The following KCNMA1 variants were observed in gnomAD, a reference collection of about 807,000 sequenced individuals.
The protein encoded by KCNMA1 is Calcium-activated potassium channel subunit alpha-1.
In KCNMA1, 29 loss-of-function variants were observed where a neutral mutation model predicts 140.0. That is an observed-to-expected ratio of 0.21 (90% CI 0.15 to 0.28). The LOEUF (loss-of-function observed/expected upper bound fraction) is 0.28. KCNMA1 is among the 10% of genes least tolerant of loss of function. The pLI, the probability that KCNMA1 is intolerant of heterozygous loss-of-function variation, is 1.00. For missense variants in KCNMA1, 880 were observed against 1,602.2 expected (o/e 0.55, Z 7.70); for synonymous variants, 612 against 611.9 (o/e 1.00, Z 0.00).
chr10:76,880,262 C>G (rs1196776138), downstream of KCNMA1, among the ~76,000 whole-genome samples: 1 of 151,986 alleles, frequency 6.6e-6, no homozygotes, highest in Non-Finnish European at 1.5e-5. Flanking sequence ...AGAAAGAGAG[C>G]ATTATTTCCT....
chr10:77,196,426 G>C (rs917894206), intron 3 of KCNMA1, among the ~76,000 whole-genome samples: 1 of 152,140 alleles, frequency 6.6e-6, no homozygotes, highest in African/African-American at 2.4e-5. Context: ...GGGCAGGATC[G>C]CCTGCCTGCA....
intron 23 of KCNMA1, among the ~76,000 whole-genome samples, chr10:76,936,190 C>T (rs60499211): frequency 0.014 from 2,145 of 152,278 alleles, 43 homozygotes; most frequent in African/African-American, 0.048. Flanking sequence ...GGGATGTCCA[C>T]GGAAGAAATG....
intron 2 of KCNMA1, among the ~76,000 whole-genome samples, chr10:77,349,643 T>G (rs1250753737): frequency 2.6e-5 from 4 of 152,134 alleles, no homozygotes; most frequent in Admixed American, 6.5e-5. Context: ...CTTTTGCATG[T>G]AGAGTCAATC....
intron 2 of KCNMA1, among the ~76,000 whole-genome samples, chr10:77,320,399 C>A (rs933052456): frequency 2.6e-5 from 4 of 152,138 alleles, no homozygotes; most frequent in Admixed American, 2.6e-4. Flanking sequence ...AGGGGCTACT[C>A]CCCTAAGAAC....
chr10:77,164,740 G>C (rs1206226279), intron 5 of KCNMA1, among the ~76,000 whole-genome samples: 2 of 152,156 alleles, frequency 1.3e-5, no homozygotes, highest in Admixed American at 1.3e-4. Context: ...CCAGATAATA[G>C]AGGTGTTCCT....
chr10:77,338,459 C>A (rs916666629), intron 2 of KCNMA1, among the ~76,000 whole-genome samples: 1 of 152,174 alleles, frequency 6.6e-6, no homozygotes, highest in Non-Finnish European at 1.5e-5. Context: ...CAGCGAAAAT[C>A]CTCCCCTGCA....
chr10:77,286,470 G>A (rs991520789), intron 2 of KCNMA1, among the ~76,000 whole-genome samples: 7 of 152,102 alleles, frequency 4.6e-5, no homozygotes, highest in Admixed American at 1.3e-4. Flanking sequence ...CTAAAATTAC[G>A]CCATATGCCC....
At chr10:77,343,797 C>T (rs895288517) in intron 2 of KCNMA1, among the ~76,000 whole-genome samples, 3 of 152,170 alleles carry the variant, frequency 2.0e-5, no homozygotes, top group Admixed American at 1.3e-4. Flanking sequence ...CCAGAGACAA[C>T]TGTTTAGGAG....
intron 21 of KCNMA1, among the ~76,000 whole-genome samples, chr10:76,951,569 C>G (rs1172918226): frequency 6.6e-6 from 1 of 152,132 alleles, no homozygotes. Flanking sequence ...TTGGGACTAT[C>G]TCTTATATCT....
chr10:77,111,962 G>A lies in KCNMA1; in HGVS notation c.960+405C>T, dbSNP rs187306795. Among the ~76,000 whole-genome samples the A allele has an allele frequency of 5.9e-5, 9 of 152,270 alleles. No homozygotes were observed. In the East Asian group the frequency reaches 1.7e-3, roughly 29 times the overall value. On this transcript the variant is annotated intron_variant, in intron 7 of 27. Coordinates refer to ENST00000286628, the MANE Select transcript of KCNMA1 (RefSeq NM_001161352.2). ...GGTGGCTTTTCGTAAGGCGGAAGTG[G>A]AAAGAAATTGAGGGATCTGAATTTG...
At chr10:77,300,720 T>C (rs1389366122) in intron 2 of KCNMA1, among the ~76,000 whole-genome samples, 1 of 152,202 alleles carries the variant, frequency 6.6e-6, no homozygotes, top group African/African-American at 2.4e-5. Flanking sequence ...CACTTCTTCC[T>C]GGGTAATTTT....
chr10:77,238,136 C>T (rs975270174), intron 3 of KCNMA1, among the ~76,000 whole-genome samples: 1 of 152,182 alleles, frequency 6.6e-6, no homozygotes, highest in Non-Finnish European at 1.5e-5. Flanking sequence ...GCTGAAGCTC[C>T]TCTTCTGTTT....
intron 5 of KCNMA1, among the ~76,000 whole-genome samples, chr10:77,153,129 C>G (rs772926875): frequency 6.6e-6 from 1 of 152,196 alleles, no homozygotes; most frequent in Non-Finnish European, 1.5e-5. Context: ...GGTTAAGAAA[C>G]TCTTTAATTA....
chr10:77,230,048 A>G (rs1393699806), intron 3 of KCNMA1, among the ~76,000 whole-genome samples: 1 of 152,244 alleles, frequency 6.6e-6, no homozygotes, highest in African/African-American at 2.4e-5. Context: ...CTACATGTTC[A>G]TTGACAAATG....
At chr10:77,508,168 C>A (rs182003957) in intron 1 of KCNMA1, among the ~76,000 whole-genome samples, 1 of 152,146 alleles carries the variant, frequency 6.6e-6, no homozygotes, top group East Asian at 1.9e-4. Context: ...TTAACTGCTG[C>A]TTTCATTTTT....
At chr10:77,051,705 C>T (rs994330300) in intron 14 of KCNMA1, among the ~76,000 whole-genome samples, 23 of 152,252 alleles carry the variant, frequency 1.5e-4, no homozygotes, top group African/African-American at 4.6e-4. Context: ...CCTAAGTTCA[C>T]GCAGCCTCTG....
At chr10:77,555,057 T>TACACACACACACAC (rs111952376) in intron 1 of KCNMA1, among the ~76,000 whole-genome samples, 42 of 151,542 alleles carry the variant, frequency 2.8e-4, no homozygotes, top group African/African-American at 5.1e-4. Context: ...TCTTACCACA[T>TACACACACACACAC]ACACACACGC....
rs200767451 is a variant in KCNMA1, at chr10:76,886,220, T to C, written c.*1046A>G. On this transcript the variant is annotated 3_prime_UTR_variant, in exon 28 of 28. Coordinates refer to ENST00000286628, the MANE Select transcript of KCNMA1 (RefSeq NM_001161352.2). ...CCCCAGCCCTTCCTCCTACCTGGCA[T>C]TGGGGCCCTAACTAATCAAACAAAG... The C allele has an allele frequency of 7.1e-6, 7 of 985,258 alleles. No individual in the cohort carries two copies. The highest frequency in any genetic ancestry group is 6.1e-5 in the Admixed American group (1 of 16,272). The allele number at this position is 985,258 out of a possible 1,614,324, so 61.0% of individuals were successfully genotyped here.
At chr10:77,464,503 C>G (rs185898882) in intron 1 of KCNMA1, among the ~76,000 whole-genome samples, 2 of 152,078 alleles carry the variant, frequency 1.3e-5, no homozygotes, top group Admixed American at 6.6e-5. Flanking sequence ...GGGGAAGCAG[C>G]GGGTCTGAGT....
Sources: gnomAD v4.1 joint callset for allele counts (sites outside exome capture counted in the v4.1 genomes callset) on GRCh38, gnomAD v4.1.1 for gene constraint, MANE v1.5 for transcripts, NCBI Gene and HGNC (gene_info 2026-07-23, HGNC 2026-07-21) for gene names.